The following UNC13C variants were observed in gnomAD, a reference collection of about 807,000 sequenced individuals.
UNC13C encodes unc-13 homolog C.
UNC13C carries 174 observed loss-of-function variants against 245.4 expected under a neutral mutation model. The ratio of observed to expected loss-of-function variants is 0.71; its 90% CI spans 0.63 to 0.80. UNC13C has a LOEUF of 0.80. Ranked by LOEUF, UNC13C falls within the 30% of genes least tolerant of loss-of-function variation. The probability of loss-of-function intolerance (pLI) is 0.00; values close to 1 mark genes in which losing one functional copy is unlikely to be tolerated. For missense variants in UNC13C, 2,829 were observed against 2,602.9 expected (o/e 1.09, Z -1.89); for synonymous variants, 992 against 895.1 (o/e 1.11, Z -1.93).
chr15:54,407,276 A>G (rs1013126322), intron 18 of UNC13C, among the ~76,000 whole-genome samples: 1 of 152,182 alleles, frequency 6.6e-6, no homozygotes, highest in Non-Finnish European at 1.5e-5. Flanking sequence ...AACGACTTGA[A>G]TTAGGAACAG....
At chr15:53,995,579 T>C (rs1031143531) in intron 1 of UNC13C, among the ~76,000 whole-genome samples, 1 of 151,532 alleles carries the variant, frequency 6.6e-6, no homozygotes, top group Non-Finnish European at 1.5e-5. Flanking sequence ...AAAGGCCTGA[T>C]GAAAGACTTC....
chr15:54,263,304 T>C (rs1211498393), intron 8 of UNC13C, among the ~76,000 whole-genome samples: 1 of 152,140 alleles, frequency 6.6e-6, no homozygotes, highest in Non-Finnish European at 1.5e-5. Context: ...TACTTTAAAC[T>C]CACTAAGGAA....
At chr15:53,990,273 C>T (rs1179565197) in intron 1 of UNC13C, among the ~76,000 whole-genome samples, 1 of 151,950 alleles carries the variant, frequency 6.6e-6, no homozygotes, top group Non-Finnish European at 1.5e-5. Flanking sequence ...GATAATTATT[C>T]CATGTATCAA....
chr15:54,261,307 C>G (rs2140884859), intron 8 of UNC13C, among the ~76,000 whole-genome samples: 1 of 152,174 alleles, frequency 6.6e-6, no homozygotes, highest in East Asian at 1.9e-4. Flanking sequence ...AAAAATAACC[C>G]AAAGGGCTGG....
intron 18 of UNC13C, among the ~76,000 whole-genome samples, chr15:54,405,258 T>G (rs1420809806): frequency 6.6e-6 from 1 of 152,134 alleles, no homozygotes; most frequent in Admixed American, 6.6e-5. Flanking sequence ...ACTGGGTAAA[T>G]TTGCTAAGCA....
At chr15:54,629,374 C>T (rs1901392616), downstream of UNC13C, 1 of 151,976 alleles carries the variant, frequency 6.6e-6, no homozygotes, top group Non-Finnish European at 1.5e-5. Context: ...CACCAAAACC[C>T]CCGTGACACA....
At chr15:54,026,648 C>G (rs1896121380) in intron 2 of UNC13C, among the ~76,000 whole-genome samples, 1 of 152,130 alleles carries the variant, frequency 6.6e-6, no homozygotes, top group African/African-American at 2.4e-5. Context: ...TATATCATCC[C>G]AAGTACTCCT....
chr15:54,202,729 G>A (rs1468944536), intron 4 of UNC13C, among the ~76,000 whole-genome samples: 1 of 151,868 alleles, frequency 6.6e-6, no homozygotes. Context: ...AGATAACATT[G>A]GAAAAGCCCT....
At chr15:54,474,458 AC>A (rs1343372044) in intron 19 of UNC13C, among the ~76,000 whole-genome samples, 3 of 137,942 alleles carry the variant, frequency 2.2e-5, no homozygotes, top group African/African-American at 8.1e-5. Flanking sequence ...TACCAGTTGG[AC>A]ATTTGTATGT....
intron 2 of UNC13C, among the ~76,000 whole-genome samples, chr15:54,020,261 A>C (rs192990029): frequency 6.6e-6 from 1 of 151,172 alleles, no homozygotes; most frequent in Non-Finnish European, 1.5e-5. Flanking sequence ...AAATATTAAT[A>C]ATTTTTTTCT....
chr15:53,959,346 T>C, the UNC13C span, among the ~76,000 whole-genome samples: 4 of 152,160 alleles, frequency 2.6e-5, no homozygotes, highest in African/African-American at 4.8e-5. Context: ...TTTGTATTTA[T>C]AGATTTTGAG....
intron 2 of UNC13C, among the ~76,000 whole-genome samples, chr15:54,091,126 C>A (rs927445229): frequency 6.6e-6 from 1 of 152,086 alleles, no homozygotes; most frequent in Non-Finnish European, 1.5e-5. Context: ...GGTTCCCCTG[C>A]CTTCTGGCTG....
chr15:54,448,967 C>T (rs932077130), intron 19 of UNC13C, among the ~76,000 whole-genome samples: 1 of 152,162 alleles, frequency 6.6e-6, no homozygotes, highest in African/African-American at 2.4e-5. Flanking sequence ...CAGGGCAGGC[C>T]TGGTGATGAC....
intron 19 of UNC13C, among the ~76,000 whole-genome samples, chr15:54,443,726 C>T (rs552092705): frequency 6.6e-6 from 1 of 152,008 alleles, no homozygotes; most frequent in South Asian, 2.1e-4. Context: ...AATAGGTCCT[C>T]TTTGTATTGA....
chr15:54,225,035 TTTTTTC>T (rs1239387231), intron 4 of UNC13C, among the ~76,000 whole-genome samples: 1 of 151,400 alleles, frequency 6.6e-6, no homozygotes, highest in East Asian at 1.9e-4. Flanking sequence ...TTCTTTTTTT[TTTTTTC>T]TTATTTAGCT....
At chr15:54,578,278 G>T (rs553205780) in intron 30 of UNC13C, among the ~76,000 whole-genome samples, 2 of 152,282 alleles carry the variant, frequency 1.3e-5, no homozygotes, top group African/African-American at 4.8e-5. Context: ...TTTTAGCTCG[G>T]AATAGGTGTA....
chr15:54,554,233 A>G (rs937777409), intron 28 of UNC13C, among the ~76,000 whole-genome samples: 1 of 152,022 alleles, frequency 6.6e-6, no homozygotes, highest in African/African-American at 2.4e-5. Context: ...TGAGCGAGAC[A>G]TAGATAGATT....
intron 17 of UNC13C, among the ~76,000 whole-genome samples, chr15:54,385,440 G>T (rs1030661628): frequency 6.6e-6 from 1 of 151,990 alleles, no homozygotes; most frequent in African/African-American, 2.4e-5. Context: ...AATAAGCCAG[G>T]CACAGAAAGA....
At chr15:54,251,778 C>A (rs1390368328) in intron 8 of UNC13C, among the ~76,000 whole-genome samples, 3 of 152,104 alleles carry the variant, frequency 2.0e-5, no homozygotes, top group Admixed American at 6.5e-5. Flanking sequence ...TTGCTTGACA[C>A]TGAAGGGAGA....
Sources: allele counts gnomAD v4.1 joint callset (sites outside exome capture counted in the v4.1 genomes callset), GRCh38; gene constraint gnomAD v4.1.1; transcripts MANE v1.5; gene names NCBI Gene and HGNC (gene_info 2026-07-23, HGNC 2026-07-21).